Variants in RGS6 observed in about 807,000 individuals in gnomAD.
The protein encoded by RGS6 is regulator of G protein signaling 6.
Under a neutral mutation model 78.5 loss-of-function variants are expected in RGS6, and 30 were observed. That is an observed-to-expected ratio of 0.38 (90% confidence interval 0.29 to 0.52). The LOEUF is 0.52. Ranked by LOEUF, RGS6 falls within the 20% of genes least tolerant of loss-of-function variation. RGS6 has a pLI of 0.85. For missense variants in RGS6, 495 were observed against 609.7 expected (o/e 0.81, Z 1.98); for synonymous variants, 206 against 206.0 (o/e 1.00, Z 0.00).
At chr14:71,950,053 T>A (rs1183539762) in intron 1 of RGS6, among the ~76,000 whole-genome samples, 1 of 152,194 alleles carries the variant, frequency 6.6e-6, no homozygotes, top group Non-Finnish European at 1.5e-5. Flanking sequence ...TAACGCACTG[T>A]CTTAATTACG....
intron 3 of RGS6, among the ~76,000 whole-genome samples, chr14:72,427,236 T>C (rs1460805876): frequency 1.3e-5 from 2 of 152,272 alleles, no homozygotes; most frequent in East Asian, 3.8e-4. Flanking sequence ...TACATAACTT[T>C]TCTTACAGTA....
intron 4 of RGS6, among the ~76,000 whole-genome samples, chr14:72,455,038 G>T (rs1308458861): frequency 2.0e-5 from 3 of 152,080 alleles, no homozygotes; most frequent in Non-Finnish European, 4.4e-5. Flanking sequence ...TTTCAATTAG[G>T]AAGACCTTAC....
chr14:72,373,487 A>T (rs551702043), intron 3 of RGS6, among the ~76,000 whole-genome samples: 59 of 152,212 alleles, frequency 3.9e-4, no homozygotes, highest in Non-Finnish European at 7.9e-4. Context: ...CTCGTTTTAG[A>T]TTAGTCTTTT....
the RGS6 span, among the ~76,000 whole-genome samples, chr14:71,874,761 A>G: frequency 6.6e-6 from 1 of 152,132 alleles, no homozygotes; most frequent in African/African-American, 2.4e-5. Flanking sequence ...CCCATTCAGT[A>G]TGATATTGGC....
chr14:71,985,408 C>T (rs2094661193), intron 2 of RGS6, among the ~76,000 whole-genome samples: 1 of 152,126 alleles, frequency 6.6e-6, no homozygotes, highest in Admixed American at 6.5e-5. Flanking sequence ...AGCTGTGAGC[C>T]ACCGCACCTG....
intron 2 of RGS6, among the ~76,000 whole-genome samples, chr14:72,269,670 T>A (rs1258524434): frequency 1.4e-5 from 2 of 147,636 alleles, no homozygotes; most frequent in Non-Finnish European, 3.0e-5. Flanking sequence ...GCTCAAGGGA[T>A]TCTCCTGCCT....
chr14:72,406,776 C>G (rs200816533), intron 3 of RGS6, among the ~76,000 whole-genome samples: 1 of 152,182 alleles, frequency 6.6e-6, no homozygotes, highest in East Asian at 1.9e-4. Context: ...AGCCACCACA[C>G]AAATGTATTT....
intron 3 of RGS6, among the ~76,000 whole-genome samples, chr14:72,378,311 G>C (rs1311061709): frequency 6.6e-6 from 1 of 151,634 alleles, no homozygotes; most frequent in African/African-American, 2.4e-5. Context: ...AGAAAACTGA[G>C]AACAAACCAA....
At chr14:72,100,422 G>A (rs1290555146) in intron 2 of RGS6, among the ~76,000 whole-genome samples, 1 of 152,148 alleles carries the variant, frequency 6.6e-6, no homozygotes, top group Non-Finnish European at 1.5e-5. Context: ...TTGAACCTGG[G>A]AGGCAGAGGT....
At chr14:71,951,272 G>A (rs973642766) in intron 1 of RGS6, among the ~76,000 whole-genome samples, 13 of 151,968 alleles carry the variant, frequency 8.6e-5, no homozygotes, top group Non-Finnish European at 1.9e-4. Flanking sequence ...TGGATGGAGC[G>A]GAAATCCATT....
chr14:72,076,870 G>A (rs1307744640), intron 2 of RGS6, among the ~76,000 whole-genome samples: 1 of 150,930 alleles, frequency 6.6e-6, no homozygotes, highest in Admixed American at 6.6e-5. Flanking sequence ...TATAAAATTT[G>A]GCTATCTATA....
the RGS6 span, among the ~76,000 whole-genome samples, chr14:72,584,567 A>G: frequency 1.3e-5 from 2 of 152,184 alleles, no homozygotes; most frequent in South Asian, 2.1e-4. Flanking sequence ...AGAGCCAGTG[A>G]AAAGGCCCAA....
At chr14:72,359,248 G>A (rs893903081) in intron 3 of RGS6, among the ~76,000 whole-genome samples, 7 of 152,076 alleles carry the variant, frequency 4.6e-5, no homozygotes, top group South Asian at 4.2e-4. Context: ...TATTATTAGC[G>A]GATAGATCAG....
intron 2 of RGS6, among the ~76,000 whole-genome samples, chr14:72,059,272 T>C (rs1237410079): frequency 6.6e-6 from 1 of 152,184 alleles, no homozygotes; most frequent in Non-Finnish European, 1.5e-5. Flanking sequence ...TTTCAGCTCT[T>C]ACAATGCCTT....
chr14:72,375,792 A>G (rs1333271858), intron 3 of RGS6, among the ~76,000 whole-genome samples: 1 of 152,242 alleles, frequency 6.6e-6, no homozygotes, highest in African/African-American at 2.4e-5. Flanking sequence ...ACTGGAGACT[A>G]TACTACTGTG....
At chr14:72,323,055 C>G (rs1415938765) in intron 2 of RGS6, among the ~76,000 whole-genome samples, 1 of 151,030 alleles carries the variant, frequency 6.6e-6, no homozygotes, top group East Asian at 1.9e-4. Context: ...CCTAAGTAAA[C>G]AAAAGAAAAA....
the RGS6 span, among the ~76,000 whole-genome samples, chr14:71,919,955 C>T: frequency 6.6e-6 from 1 of 152,114 alleles, no homozygotes; most frequent in Non-Finnish European, 1.5e-5. Context: ...GATCACGCCA[C>T]TGCATTCCAG....
chr14:72,372,242 C>T (rs779979627), intron 3 of RGS6, among the ~76,000 whole-genome samples: 13 of 152,144 alleles, frequency 8.5e-5, no homozygotes, highest in Non-Finnish European at 1.6e-4. Flanking sequence ...TTTATATAGG[C>T]TTTGTTCTCC....
intron 2 of RGS6, among the ~76,000 whole-genome samples, chr14:72,012,827 C>T (rs903181516): frequency 3.3e-5 from 5 of 152,162 alleles, no homozygotes; most frequent in African/African-American, 1.2e-4. Context: ...CATCTGTAAA[C>T]TGGGGGAAAC....
Sources: allele counts gnomAD v4.1 joint callset (sites outside exome capture counted in the v4.1 genomes callset), GRCh38; gene constraint gnomAD v4.1.1; transcripts MANE v1.5; gene names NCBI Gene and HGNC (gene_info 2026-07-23, HGNC 2026-07-21).